Variants in CCDC85C observed in about 807,000 individuals in gnomAD.
The protein encoded by CCDC85C is coiled-coil domain containing 85C.
In CCDC85C, 18 loss-of-function variants were observed where a neutral mutation model predicts 38.3. The ratio of observed to expected loss-of-function variants is 0.47; its 90% CI spans 0.33 to 0.70. CCDC85C has a LOEUF of 0.70. Among genes scored for constraint, CCDC85C ranks in the 30% least tolerant of loss-of-function variants. CCDC85C has a pLI of 0.03. For missense variants in CCDC85C, 566 were observed against 621.2 expected, an observed-to-expected ratio of 0.91 and a Z score of 0.94; for synonymous variants, 264 against 293.8, an observed-to-expected ratio of 0.90 and a Z score of 1.04.
chr14:99,501,459 C>G lies in CCDC85C; in HGVS notation c.*13787G>C. 2 of 1,263,122 alleles carry G rather than the reference C, an allele frequency of 1.6e-6. No individual in the cohort carries two copies. Among genetic ancestry groups the G allele is most frequent in the Non-Finnish European group, 2.3e-6 (2 of 865,526 alleles). The allele number at this position is 1,263,122 out of a possible 1,614,324, so 78.2% of individuals were successfully genotyped here. ...ATTAATTACAGTATTTTAAAATAGG[C>G]AGAGACTTTATGGACCATTTCATCT... On this transcript the variant is annotated 3_prime_UTR_variant, in exon 6 of 6. Coordinates refer to ENST00000380243, the MANE Select transcript of CCDC85C (RefSeq NM_001144995.2).
chr14:99,557,525 A>G (rs1053950390), intron 1 of CCDC85C, among the ~76,000 whole-genome samples: 1 of 152,234 alleles, frequency 6.6e-6, no homozygotes, highest in Admixed American at 6.5e-5. Flanking sequence ...GCCAGCCCCA[A>G]GGCAAAGGCT....
At position 99,507,423 on chromosome 14, in the gene CCDC85C, G is replaced by A. The variant is rs903966686; in HGVS notation, c.*7823C>T. On this transcript the variant is annotated 3_prime_UTR_variant, in exon 6 of 6. Coordinates refer to ENST00000380243, the MANE Select transcript of CCDC85C (RefSeq NM_001144995.2). The stretch of plus-strand genomic sequence containing the variant: ...GAGACCCTGTCTAAAAAATTAGCCA[G>A]GTGTGGTAGCACACACCTGTAGTCC... 2.3e-6 allele frequency: 1 copy of A among 433,100 alleles called. No individual in the cohort carries two copies. Among genetic ancestry groups the A allele is most frequent in the African/African-American group, 2.0e-5 (1 of 49,862 alleles). 26.8% of individuals were successfully genotyped at this position (433,100 alleles called of 1,614,324 possible).
intron 1 of CCDC85C, among the ~76,000 whole-genome samples, chr14:99,568,949 G>A (rs996371763): frequency 8.5e-5 from 13 of 152,154 alleles, no homozygotes; most frequent in Non-Finnish European, 1.5e-4. Flanking sequence ...CATGGGTTCT[G>A]GAGGCAGGAG....
At chr14:99,586,665 T>C (rs1166243365) in intron 1 of CCDC85C, among the ~76,000 whole-genome samples, 1 of 152,208 alleles carries the variant, frequency 6.6e-6, no homozygotes, top group Non-Finnish European at 1.5e-5. Context: ...GGCTCTTTAA[T>C]GAGGCATTAT....
Position 99,502,848 on chromosome 14 carries a change from A to G in CCDC85C, c.*12398T>C. On this transcript the variant is annotated 3_prime_UTR_variant, in exon 6 of 6. Transcript: ENST00000380243. The stretch of plus-strand genomic sequence containing the variant: ...CAAGTGCCGCAAGTACAGCAGTCAC[A>G]GCCGTCTCAAAGCTCCGAACCATCC... The G allele has an allele frequency of 1.2e-6, 2 of 1,613,542 alleles. No homozygotes were observed. The highest frequency in any genetic ancestry group is 1.7e-6 in the Non-Finnish European group (2 of 1,179,658).
chr14:99,507,256 T>G lies in CCDC85C; in HGVS notation c.*7990A>C. Reference sequence around the variant, plus strand: ...GGGAGACTGGGGCCCAGATTGACAATGTCAGCCACAGGCAGGAATCTTTGC... The same window carrying G: ...GGGAGACTGGGGCCCAGATTGACAAGGTCAGCCACAGGCAGGAATCTTTGC... On this transcript the variant is annotated 3_prime_UTR_variant, in exon 6 of 6. Transcript: ENST00000380243. The G allele has an allele frequency of 1.3e-6, 1 of 770,800 alleles. No homozygotes were observed. Among genetic ancestry groups the G allele is most frequent in the Non-Finnish European group, 2.3e-6 (1 of 427,880 alleles). The allele number at this position is 770,800 out of a possible 1,614,324, so 47.7% of individuals were successfully genotyped here. A position where few individuals can be genotyped will look rare whatever the true frequency, so the allele number is the denominator to read the frequency against.
chr14:99,518,893 G>C (rs961104583), intron 3 of CCDC85C, among the ~76,000 whole-genome samples: 7 of 152,148 alleles, frequency 4.6e-5, no homozygotes, highest in African/African-American at 1.7e-4. Context: ...CCGGGATCCT[G>C]AAAGTGACAC....
intron 1 of CCDC85C, among the ~76,000 whole-genome samples, chr14:99,598,730 A>C (rs2055169416): frequency 6.6e-6 from 1 of 152,088 alleles, no homozygotes; most frequent in Non-Finnish European, 1.5e-5. Flanking sequence ...AATCAGCCCC[A>C]CAGGACCTAG....
intron 5 of CCDC85C, 130 bp from the exon 6 acceptor site, chr14:99,515,465 G>A (rs1321235188): frequency 1.6e-6 from 1 of 643,110 alleles, no homozygotes; most frequent in Non-Finnish European, 2.7e-6. Flanking sequence ...GGACACGGAG[G>A]CCACTGCAGG....
intron 1 of CCDC85C, among the ~76,000 whole-genome samples, chr14:99,591,219 G>A (rs1451564823): frequency 6.6e-6 from 1 of 152,250 alleles, no homozygotes; most frequent in African/African-American, 2.4e-5. Flanking sequence ...CTCATTTCGA[G>A]AACAAGGTGC....
chr14:99,520,278 G>T lies in CCDC85C; in HGVS notation c.975+1855C>A, dbSNP rs1390322708. 1.3e-5 allele frequency among the ~76,000 whole-genome samples: 2 copies of T among 152,112 alleles called. No homozygotes were observed. Among genetic ancestry groups the T allele is most frequent in the East Asian group, 3.9e-4 (2 of 5,180 alleles). ...CTGGATAACCCCCTCACTCTCCCCGGGGGTCCAAGTGCCAGACATGGGCTC... is the reference window on the plus strand; with the variant it reads ...CTGGATAACCCCCTCACTCTCCCCGTGGGTCCAAGTGCCAGACATGGGCTC... On this transcript the variant is annotated intron_variant, in intron 3 of 5. Coordinates refer to ENST00000380243, the MANE Select transcript of CCDC85C (RefSeq NM_001144995.2). The surrounding 1 kb of genome is among the most constrained non-coding windows in gnomAD (Gnocchi z 4.1).
chr14:99,578,138 A>T (rs1367574288), intron 1 of CCDC85C, among the ~76,000 whole-genome samples: 1 of 115,688 alleles, frequency 8.6e-6, no homozygotes, highest in Non-Finnish European at 1.8e-5. Context: ...GTGTGTACAC[A>T]TCTCCACACC....
intron 1 of CCDC85C, among the ~76,000 whole-genome samples, chr14:99,555,146 A>T (rs10147387): frequency 0.53 from 80,482 of 151,804 alleles, 21,487 homozygotes; most frequent in African/African-American, 0.58. Context: ...CGGGACAGGG[A>T]GCTAGGGAGC....
rs1329302460 is a variant in CCDC85C at position 99,544,079 on chromosome 14, G to T, written c.794-7991C>A. Among the ~76,000 whole-genome samples the T allele has an allele frequency of 2.0e-5, 3 of 152,174 alleles. No homozygotes were observed. The highest frequency in any genetic ancestry group is 4.4e-5 in the Non-Finnish European group (3 of 68,030). On this transcript the variant is annotated intron_variant, in intron 1 of 5. Coordinates refer to ENST00000380243, the MANE Select transcript of CCDC85C (RefSeq NM_001144995.2). The surrounding 1 kb of genome is among the most constrained non-coding windows in gnomAD (Gnocchi z 5.3). Reference sequence around the variant, plus strand: ...ACAGTTTGCTGAGTACCCACCATATGCCAGCACACACGGAGCACAACCCCA... The same window carrying T: ...ACAGTTTGCTGAGTACCCACCATATTCCAGCACACACGGAGCACAACCCCA...
chr14:99,593,013 C>G (rs574220834), intron 1 of CCDC85C, among the ~76,000 whole-genome samples: 1 of 152,182 alleles, frequency 6.6e-6, no homozygotes, highest in Non-Finnish European at 1.5e-5. Flanking sequence ...TTCCACCAGC[C>G]GCTGAGGGAT....
At chr14:99,580,489 G>A (rs1212973187) in intron 1 of CCDC85C, among the ~76,000 whole-genome samples, 5 of 146,552 alleles carry the variant, frequency 3.4e-5, no homozygotes, top group African/African-American at 5.1e-5. Context: ...GGAAGGGGGC[G>A]GGGATGGGGG....
chr14:99,591,485 C>T (rs1487870861), intron 1 of CCDC85C, among the ~76,000 whole-genome samples: 1 of 152,246 alleles, frequency 6.6e-6, no homozygotes, highest in Non-Finnish European at 1.5e-5. Flanking sequence ...CTGCAGGTCC[C>T]ACATCCTGTA....
intron 1 of CCDC85C, among the ~76,000 whole-genome samples, chr14:99,598,891 AC>A (rs898034543): frequency 1.3e-5 from 2 of 152,182 alleles, no homozygotes; most frequent in African/African-American, 4.8e-5. Flanking sequence ...AGCACTGGGC[AC>A]AGTTTACCCA....
At chr14:99,523,424 C>G (rs1015502423) in intron 2 of CCDC85C, among the ~76,000 whole-genome samples, 2 of 152,118 alleles carry the variant, frequency 1.3e-5, no homozygotes, top group Admixed American at 1.3e-4. Context: ...CCAGGCCCCC[C>G]ACTGGGGCTG....
Sources: allele counts gnomAD v4.1 joint callset (sites outside exome capture counted in the v4.1 genomes callset), GRCh38; gene constraint gnomAD v4.1.1; non-coding constraint Gnocchi (gnomAD v3.1); transcripts MANE v1.5; gene names NCBI Gene and HGNC (gene_info 2026-07-23, HGNC 2026-07-21).